EPAS1: variants seen among roughly 807,000 people sequenced by gnomAD.
EPAS1 encodes the protein endothelial PAS domain protein 1, also known as endothelial PAS domain-containing protein 1.
Under a neutral mutation model 87.9 loss-of-function variants are expected in EPAS1, and 23 were observed. The ratio of observed to expected loss-of-function variants is 0.26; its 90% confidence interval spans 0.19 to 0.37. The LOEUF is 0.37. Among genes scored for constraint, EPAS1 ranks in the 10% least tolerant of loss-of-function variants. The probability of loss-of-function intolerance (pLI) is 1.00; values close to 1 mark genes in which losing one functional copy is unlikely to be tolerated. For missense variants in EPAS1, 1,138 were observed against 1,120.7 expected (o/e 1.02, Z -0.22); for synonymous variants, 508 against 444.3 (o/e 1.14, Z -1.80).
chr2:46,338,800 G>A (rs1255614572), intron 1 of EPAS1, among the ~76,000 whole-genome samples: 3 of 152,056 alleles, frequency 2.0e-5, no homozygotes, highest in Non-Finnish European at 4.4e-5. Context: ...ACTGTTGCAT[G>A]TTCTGTCTTC....
chr2:46,376,424 G>T, intron 8 of EPAS1, 115 bp from the exon 9 acceptor site: 1 of 969,188 alleles, frequency 1.0e-6, no homozygotes, highest in Non-Finnish European at 1.7e-6. Context: ...CCAATGCCTG[G>T]AGTCCTACCC....
intron 11 of EPAS1, chr2:46,379,997 G>A (rs1684850169): frequency 1.5e-6 from 1 of 656,172 alleles, no homozygotes; most frequent in Non-Finnish European, 2.7e-6. Context: ...CAATGTGCAG[G>A]GTGAAGAGGG....
intron 9 of EPAS1, 55 bp downstream of exon 9, chr2:46,376,808 G>C: frequency 1.9e-6 from 3 of 1,584,230 alleles, no homozygotes; most frequent in Non-Finnish European, 2.6e-6. Context: ...GCTGGGAAGA[G>C]TTCTTACTAT....
chr2:46,358,203 G>A (rs1430566351), intron 4 of EPAS1, among the ~76,000 whole-genome samples: 1 of 152,178 alleles, frequency 6.6e-6, no homozygotes, highest in African/African-American at 2.4e-5. Flanking sequence ...ATTTGGGCCT[G>A]CAAAGTACAG....
intron 6 of EPAS1, among the ~76,000 whole-genome samples, chr2:46,363,589 T>C (rs898507745): frequency 6.6e-6 from 1 of 152,182 alleles, no homozygotes; most frequent in Non-Finnish European, 1.5e-5. Context: ...GATGTCTAAA[T>C]GTGGCTGGAG....
Position 46,356,871 on chromosome 2 carries a change from T to A in EPAS1, c.454+63T>A, listed in dbSNP as rs941184834. 10 of 1,203,292 alleles carry A rather than the reference T, an allele frequency of 8.3e-6. No individual in the cohort carries two copies. The African/African-American group carries it at 1.3e-4, about 16-fold the overall frequency. 74.5% of individuals were successfully genotyped at this position (1,203,292 alleles called of 1,614,324 possible). ...TGGGTGGGAATCTGCCTCCCCTTTG[T>A]CTACGGGTATAAGGGAGATAGCTCA... On this transcript the variant is annotated intron_variant, in intron 4 of 15. Transcript: ENST00000263734.
chr2:46,348,168 C>A (rs982764350), intron 2 of EPAS1, among the ~76,000 whole-genome samples: 2 of 152,112 alleles, frequency 1.3e-5, no homozygotes, highest in Admixed American at 1.3e-4. Context: ...GAAAATAGGA[C>A]GACAGCTCAG....
chr2:46,306,616 T>C (rs1158176229), intron 1 of EPAS1, among the ~76,000 whole-genome samples: 4 of 152,158 alleles, frequency 2.6e-5, no homozygotes, highest in African/African-American at 9.7e-5. Context: ...AGAAAGATTG[T>C]CCTGGAAAAA....
At chr2:46,359,800 G>T (rs1684351430) in intron 4 of EPAS1, among the ~76,000 whole-genome samples, 1 of 152,210 alleles carries the variant, frequency 6.6e-6, no homozygotes, top group African/African-American at 2.4e-5. Context: ...ACCAGAGATG[G>T]TGGTGTAGGC....
intron 1 of EPAS1, among the ~76,000 whole-genome samples, chr2:46,335,128 G>A (rs552527030): frequency 2.3e-4 from 35 of 152,206 alleles, no homozygotes; most frequent in African/African-American, 7.9e-4. Flanking sequence ...GAGGGATCCC[G>A]TGCTTTCTCC....
At chr2:46,378,345 C>T (rs1357880684) in intron 10 of EPAS1, among the ~76,000 whole-genome samples, 1 of 152,232 alleles carries the variant, frequency 6.6e-6, no homozygotes, top group African/African-American at 2.4e-5. Flanking sequence ...AGTAACATCC[C>T]GTATGTGGCA....
chr2:46,362,998 G>A (rs1465257196), intron 6 of EPAS1, among the ~76,000 whole-genome samples: 2 of 147,860 alleles, frequency 1.4e-5, no homozygotes, highest in Non-Finnish European at 1.5e-5. Flanking sequence ...TGGTGGTGGT[G>A]GTGGTGGTGG....
rs533535986 is a variant in EPAS1 at position 46,322,510 on chromosome 2, C to G, written c.27-24363C>G. ...GACCTCATCCCTAGAATTTCTTACT[C>G]GGCCCGCAGGTCTGAGGTGGAGCCT... On this transcript the variant is annotated intron_variant, in intron 1 of 15. Coordinates refer to ENST00000263734, the MANE Select transcript of EPAS1 (RefSeq NM_001430.5). 8.7e-4 allele frequency among the ~76,000 whole-genome samples: 132 copies of G among 152,320 alleles called. 4 individuals are homozygous for G. The South Asian group carries it at 0.027, about 31-fold the overall frequency.
At position 46,378,772 on chromosome 2, in the gene EPAS1, A is replaced by T. The variant is rs1684816100; in HGVS notation, c.1554+5A>T. 6.2e-7 allele frequency: 1 copy of T among 1,611,266 alleles called. No individual in the cohort carries two copies. Among genetic ancestry groups the T allele is most frequent in the Non-Finnish European group, 8.5e-7 (1 of 1,177,516 alleles). ...AAGGACCAATGCAGTACCCAGGTAG[A>T]TGGCTGTGGAGATCAGGCTAGGGTG... On this transcript the variant is annotated splice_donor_5th_base_variant and intron_variant, in intron 11 of 15. Transcript: ENST00000263734.
intron 9 of EPAS1, 35 bp from the exon 10 acceptor site, chr2:46,377,859 G>T: frequency 6.4e-7 from 1 of 1,551,726 alleles, no homozygotes; most frequent in Non-Finnish European, 8.7e-7. Flanking sequence ...CCCGATGGTT[G>T]TGGGTGTTCA....
intron 1 of EPAS1, 143 bp downstream of exon 1, chr2:46,298,080 G>A: frequency 1.9e-6 from 2 of 1,042,964 alleles, no homozygotes; most frequent in Non-Finnish European, 2.8e-6. Context: ...CTGTGAGGGG[G>A]AGAGCATGTG....
chr2:46,321,643 G>A (rs1051043965), intron 1 of EPAS1, among the ~76,000 whole-genome samples: 8 of 152,092 alleles, frequency 5.3e-5, no homozygotes, highest in Non-Finnish European at 1.2e-4. Flanking sequence ...CTAATGATCA[G>A]TGATTTGTCT....
chr2:46,366,837 T>G (rs1684512615), intron 6 of EPAS1, among the ~76,000 whole-genome samples: 1 of 152,270 alleles, frequency 6.6e-6, no homozygotes, highest in African/African-American at 2.4e-5. Flanking sequence ...AAGGCCCTTG[T>G]GTGCCGTAGG....
At chr2:46,307,656 C>T (rs1195777745) in intron 1 of EPAS1, among the ~76,000 whole-genome samples, 1 of 152,134 alleles carries the variant, frequency 6.6e-6, no homozygotes, top group Non-Finnish European at 1.5e-5. Context: ...TGTGGCTGGG[C>T]ACTGTGTGGT....
Sources: allele counts gnomAD v4.1 joint callset (sites outside exome capture counted in the v4.1 genomes callset), GRCh38; gene constraint gnomAD v4.1.1; transcripts MANE v1.5; gene names NCBI Gene and HGNC (gene_info 2026-07-23, HGNC 2026-07-21).